Variants in IL15 observed in about 807,000 individuals in gnomAD.
IL15 encodes the protein interleukin-15.
In IL15, 11 loss-of-function variants were observed where a neutral mutation model predicts 19.6. That is an observed-to-expected ratio of 0.56 (90% CI 0.35 to 0.93). The LOEUF is 0.93. Among genes scored for constraint, IL15 ranks in the 40% least tolerant of loss-of-function variants. IL15 has a pLI of 0.01. For synonymous variants in IL15, 58 were observed against 59.6 expected (o/e 0.97, Z 0.12); for missense variants, 197 against 186.5 (o/e 1.06, Z -0.33).
chr4:141,717,817 C>T (rs114588689), intron 2 of IL15: 17,515 of 152,094 alleles, frequency 0.12, 1,103 homozygotes, highest in Non-Finnish European at 0.15. Context: ...TGCACTATCA[C>T]ACCCGGCTGA....
chr4:141,704,826 A>G (rs942707847), intron 2 of IL15, among the ~76,000 whole-genome samples: 1 of 151,810 alleles, frequency 6.6e-6, no homozygotes, highest in Non-Finnish European at 1.5e-5. Flanking sequence ...ATATGTGTCC[A>G]GAAATTTATT....
chr4:141,637,673 T>A (rs940952467), intron 1 of IL15, among the ~76,000 whole-genome samples: 1 of 152,184 alleles, frequency 6.6e-6, no homozygotes, highest in Non-Finnish European at 1.5e-5. Flanking sequence ...TAAACCAAAC[T>A]AATTCTTAAA....
Position 141,654,239 on chromosome 4 carries a change from C to G in IL15, c.-221-1947C>G, listed in dbSNP as rs559947610. On this transcript the variant is annotated intron_variant, in intron 1 of 7. Transcript: ENST00000320650. ...AGGGAGCCCTCTAGAGGCAGGATGG[C>G]CCTTTGGGGATGTTACAGCTCTGGA... Among the ~76,000 whole-genome samples the G allele has an allele frequency of 1.3e-5, 2 of 152,214 alleles. 1 individual carries two copies. Among genetic ancestry groups the G allele is most frequent in the African/African-American group, 4.8e-5 (2 of 41,526 alleles).
chr4:141,693,040 A>AAAAAAAAAAAAAAAAAAAAAAAC (rs1728972815), intron 2 of IL15, among the ~76,000 whole-genome samples: 1 of 149,250 alleles, frequency 6.7e-6, no homozygotes, highest in Non-Finnish European at 1.5e-5. Flanking sequence ...AAAAAAAAAA[A>AAAAAAAAAAAAAAAAAAAAAAAC]AAGATACTAC....
intron 2 of IL15, among the ~76,000 whole-genome samples, chr4:141,662,422 C>CTG (rs1727824029): frequency 6.6e-6 from 1 of 152,200 alleles, no homozygotes; most frequent in Non-Finnish European, 1.5e-5. Context: ...AAGAAATGCA[C>CTG]ACCATCATCT....
intron 1 of IL15, among the ~76,000 whole-genome samples, chr4:141,639,380 G>T (rs1473165354): frequency 6.6e-6 from 1 of 152,168 alleles, no homozygotes; most frequent in African/African-American, 2.4e-5. Context: ...TATATTTAAA[G>T]ATTATCTTTA....
At chr4:141,660,667 T>C (rs1174231220) in intron 2 of IL15, among the ~76,000 whole-genome samples, 6 of 152,198 alleles carry the variant, frequency 3.9e-5, no homozygotes, top group African/African-American at 1.4e-4. Flanking sequence ...CATTTCTCTG[T>C]GACATTACAT....
rs1726858612 is a variant in IL15 at position 141,636,612 on chromosome 4, G to T, written c.-358G>T. ...TCGCCAGGGGTTGGGACTCCGGGTG[G>T]CAGGCGCCCGGGGGAATCCCAGCTG... On this transcript the variant is annotated 5_prime_UTR_variant, in exon 1 of 8. Coordinates refer to ENST00000320650, the MANE Select transcript of IL15 (RefSeq NM_000585.5). 1 of 152,130 alleles carries T rather than the reference G, an allele frequency of 6.6e-6. No homozygotes were observed. The highest frequency in any genetic ancestry group is 6.5e-5 in the Admixed American group (1 of 15,268). The allele number at this position is 152,130 out of a possible 1,614,324, so 9.4% of individuals were successfully genotyped here.
In IL15 at chr4:141,641,790, T is replaced by G. The variant is rs569112127; in HGVS notation, c.-222+5042T>G. Among the ~76,000 whole-genome samples the G allele has an allele frequency of 1.5e-4, 23 of 151,504 alleles. 1 individual carries two copies. In the South Asian group the frequency reaches 4.6e-3, roughly 30 times the overall value. Reference sequence around the variant, plus strand: ...CACCAACATGGCGCATGTATACATATGTAACAAACCTGCACGTTGTGCACA... The same window carrying G: ...CACCAACATGGCGCATGTATACATAGGTAACAAACCTGCACGTTGTGCACA... On this transcript the variant is annotated intron_variant, in intron 1 of 7. Transcript: ENST00000320650.
chr4:141,725,072 A>C (rs1730214256), intron 5 of IL15, among the ~76,000 whole-genome samples: 1 of 152,186 alleles, frequency 6.6e-6, no homozygotes, highest in African/African-American at 2.4e-5. Context: ...CAAATTCAGC[A>C]ATGTATAAAA....
chr4:141,644,593 C>T (rs1215952141), intron 1 of IL15, among the ~76,000 whole-genome samples: 4 of 152,094 alleles, frequency 2.6e-5, no homozygotes, highest in Admixed American at 2.0e-4. Flanking sequence ...TCAGGATCCC[C>T]CATAGCTTAT....
intron 2 of IL15, among the ~76,000 whole-genome samples, chr4:141,661,321 T>G (rs991982092): frequency 6.6e-6 from 1 of 152,150 alleles, no homozygotes; most frequent in African/African-American, 2.4e-5. Context: ...TAAACTCAAA[T>G]AGGGAGTCAT....
chr4:141,650,635 T>G (rs1727373320), intron 1 of IL15, among the ~76,000 whole-genome samples: 1 of 152,122 alleles, frequency 6.6e-6, no homozygotes, highest in African/African-American at 2.4e-5. Context: ...CTGCACTTAT[T>G]ATTCTCTTCT....
At chr4:141,728,456 A>G (rs538067109) in intron 6 of IL15, among the ~76,000 whole-genome samples, 1 of 152,122 alleles carries the variant, frequency 6.6e-6, no homozygotes, top group African/African-American at 2.4e-5. Context: ...ATTATTCTCT[A>G]TGTGAGAAAG....
chr4:141,710,252 G>A (rs1463672738), intron 2 of IL15, among the ~76,000 whole-genome samples: 1 of 152,120 alleles, frequency 6.6e-6, no homozygotes, highest in African/African-American at 2.4e-5. Flanking sequence ...AGAAACCATT[G>A]AGCTGTATAA....
At chr4:141,661,345 G>A (rs903191349) in intron 2 of IL15, among the ~76,000 whole-genome samples, 1 of 152,152 alleles carries the variant, frequency 6.6e-6, no homozygotes, top group African/African-American at 2.4e-5. Context: ...TGGGAGAATA[G>A]GAGAAAGATG....
intron 2 of IL15, chr4:141,718,224 C>T (rs1729955702): frequency 6.6e-6 from 1 of 151,834 alleles, no homozygotes; most frequent in African/African-American, 2.4e-5. Context: ...TTCGTAAGGC[C>T]TAATTAAGAA....
At chr4:141,707,079 T>C (rs1179068220) in intron 2 of IL15, among the ~76,000 whole-genome samples, 1 of 152,192 alleles carries the variant, frequency 6.6e-6, no homozygotes, top group Non-Finnish European at 1.5e-5. Flanking sequence ...ATGTATTCTG[T>C]AGGCTTTCTT....
At chr4:141,670,744 G>A (rs55732302) in intron 2 of IL15, among the ~76,000 whole-genome samples, 1,642 of 152,230 alleles carry the variant, frequency 0.011, 30 homozygotes, top group East Asian at 0.075. Context: ...TAAATGCAGA[G>A]TGCAGATTAC....
Sources: gnomAD v4.1 joint callset for allele counts (sites outside exome capture counted in the v4.1 genomes callset) on GRCh38, gnomAD v4.1.1 for gene constraint, MANE v1.5 for transcripts, NCBI Gene and HGNC (gene_info 2026-07-23, HGNC 2026-07-21) for gene names.